MCHR2: variants seen among roughly 807,000 people sequenced by gnomAD.
The protein encoded by MCHR2 is melanin concentrating hormone receptor 2, also known as melanin-concentrating hormone receptor 2.
Under a neutral mutation model 24.8 loss-of-function variants are expected in MCHR2, and 15 were observed. The observed-to-expected ratio is 0.60, with a 90% CI of 0.40 to 0.93. The LOEUF is 0.93. Ranked by LOEUF, MCHR2 falls within the 40% of genes least tolerant of loss-of-function variation. MCHR2 has a pLI of 0.00. For missense variants in MCHR2, 386 were observed against 408.7 expected (o/e 0.94, Z 0.48); for synonymous variants, 151 against 147.6 (o/e 1.02, Z -0.17).
chr6:99,963,447 C>T (rs1260751919), intron 1 of MCHR2, among the ~76,000 whole-genome samples: 1 of 151,970 alleles, frequency 6.6e-6, no homozygotes, highest in African/African-American at 2.4e-5. Context: ...GCATGAAGTA[C>T]CTAAATTAAT....
intron 1 of MCHR2, among the ~76,000 whole-genome samples, chr6:99,963,259 A>G (rs1582396788): frequency 6.6e-6 from 1 of 152,128 alleles, no homozygotes; most frequent in Non-Finnish European, 1.5e-5. Flanking sequence ...GGTAGAAACC[A>G]TCTTAATGAA....
intron 1 of MCHR2, among the ~76,000 whole-genome samples, chr6:99,972,936 A>G (rs891790811): frequency 2.6e-5 from 4 of 152,080 alleles, no homozygotes; most frequent in Non-Finnish European, 5.9e-5. Context: ...ACAGTTTGTT[A>G]TAATTTCTGT....
Position 99,919,527 on chromosome 6 carries a change from A to T in MCHR2, c.*1413T>A, listed in dbSNP as rs543796718. On this transcript the variant is annotated 3_prime_UTR_variant, in exon 6 of 6. Transcript: ENST00000281806. ...GGTGGGTTTACAGACTTTATCCACA[A>T]GCAAAAATAACAATATTTGTCTTAG... is the stretch of plus-strand genomic sequence containing the variant. Among the ~76,000 whole-genome samples the T allele has an allele frequency of 2.6e-5, 4 of 152,324 alleles. No individual in the cohort carries two copies. The East Asian group carries it at 7.7e-4, about 29-fold the overall frequency.
chr6:99,942,649 C>A lies in MCHR2; in HGVS notation c.587+300G>T, dbSNP rs1301693048. ...TCTGAGTGACTCTGGAAATTCCTTA[C>A]CTCCCTTGATTGCTGCATTCCCACT... On this transcript the variant is annotated intron_variant, in intron 4 of 5. Transcript: ENST00000281806. Among the ~76,000 whole-genome samples, 6 of 152,140 alleles carry A rather than the reference C, an allele frequency of 3.9e-5. No individual in the cohort carries two copies. In the East Asian group the frequency reaches 1.2e-3, roughly 29 times the overall value.
At chr6:99,967,345 A>G (rs1441416013) in intron 1 of MCHR2, among the ~76,000 whole-genome samples, 2 of 152,164 alleles carry the variant, frequency 1.3e-5, no homozygotes, top group Non-Finnish European at 2.9e-5. Flanking sequence ...TAGGCTTTTT[A>G]AAGCAAAAAG....
chr6:99,920,791 A>T lies in MCHR2; in HGVS notation c.*149T>A. 1.3e-6 allele frequency: 1 copy of T among 747,002 alleles called. No individual in the cohort carries two copies. The highest frequency in any genetic ancestry group is 2.6e-5 in the East Asian group (1 of 39,104). The allele number at this position is 747,002 out of a possible 1,614,324, so 46.3% of individuals were successfully genotyped here. A position where few individuals can be genotyped will look rare whatever the true frequency, so the allele number is the denominator to read the frequency against. On this transcript the variant is annotated 3_prime_UTR_variant, in exon 6 of 6. Coordinates refer to ENST00000281806, the MANE Select transcript of MCHR2 (RefSeq NM_001040179.2). ...AAAGTTAGCATATTAAGCTCATTGT[A>T]TTTGCATGGTTACACTTCTCTTCCA...
In MCHR2 at chr6:99,921,253, C is replaced by T. The variant is rs754222486; in HGVS notation, c.710G>A (p.Cys237Tyr). 2 of 1,611,934 alleles carry T rather than the reference C, an allele frequency of 1.2e-6. No individual in the cohort carries two copies. The highest frequency in any genetic ancestry group is 2.2e-5 in the South Asian group (2 of 90,922). The change falls in exon 6 of 6, where the codon TGC becomes TAC. Residue 237 changes from cysteine to tyrosine, a missense_variant and splice_region_variant. Physicochemically the swap from Cys to Tyr is radical, Grantham distance 194. Transcript: ENST00000281806. ...MYQQNKDARCCNPSVPKQRVM... is the reference protein window; with the variant it reads ...MYQQNKDARCYNPSVPKQRVM... ...TCTCTGTTTTGGTACACTGGGATTG[C>T]AGCTGCAGAGGAAACATTCAGATAG...
chr6:99,988,669 A>G (rs1012637954), intron 1 of MCHR2, among the ~76,000 whole-genome samples: 2 of 146,348 alleles, frequency 1.4e-5, no homozygotes. Context: ...GAGATAATCA[A>G]TCAACAACAT....
chr6:99,928,489 C>A (rs1774423847), intron 5 of MCHR2, among the ~76,000 whole-genome samples: 1 of 152,160 alleles, frequency 6.6e-6, no homozygotes, highest in East Asian at 1.9e-4. Flanking sequence ...GGTTGGTAAG[C>A]TATTGATTAT....
intron 5 of MCHR2, among the ~76,000 whole-genome samples, chr6:99,927,972 T>C (rs7450546): frequency 3.3e-5 from 5 of 152,156 alleles, no homozygotes; most frequent in Admixed American, 2.0e-4. Flanking sequence ...TGGCTGTGGG[T>C]TTGTCATAGA....
intron 3 of MCHR2, among the ~76,000 whole-genome samples, chr6:99,945,962 G>T (rs1255923192): frequency 6.6e-6 from 1 of 151,434 alleles, no homozygotes; most frequent in African/African-American, 2.4e-5. Context: ...CTCTTCCAAG[G>T]CAGAAAATGC....
intron 5 of MCHR2, among the ~76,000 whole-genome samples, chr6:99,933,849 G>T (rs1774595817): frequency 6.6e-6 from 1 of 152,026 alleles, no homozygotes; most frequent in African/African-American, 2.4e-5. Flanking sequence ...AAATAATTTA[G>T]ATTTATTTAT....
chr6:99,964,535 A>C (rs1347933067), intron 1 of MCHR2, among the ~76,000 whole-genome samples: 3 of 152,110 alleles, frequency 2.0e-5, no homozygotes, highest in Non-Finnish European at 4.4e-5. Flanking sequence ...GGATGGAGTG[A>C]GCACAAGCAG....
At chr6:99,943,194 C>A in intron 3 of MCHR2, 51 bp from the exon 4 acceptor site, 1 of 1,472,254 alleles carries the variant, frequency 6.8e-7, no homozygotes, top group Non-Finnish European at 9.2e-7. Flanking sequence ...AAGCACTGAG[C>A]TCCAAGGATG....
At chr6:99,939,475 C>A (rs934983641) in intron 4 of MCHR2, among the ~76,000 whole-genome samples, 16 of 152,064 alleles carry the variant, frequency 1.1e-4, no homozygotes, top group African/African-American at 3.9e-4. Flanking sequence ...AACTCCATTC[C>A]CCTACATTTT....
chr6:99,948,358 C>T (rs1774911757), intron 2 of MCHR2, among the ~76,000 whole-genome samples: 1 of 152,022 alleles, frequency 6.6e-6, no homozygotes, highest in Non-Finnish European at 1.5e-5. Context: ...ATTGCTTTCC[C>T]TGGTGGTAGC....
chr6:99,924,863 T>C (rs1030452739), intron 5 of MCHR2, among the ~76,000 whole-genome samples: 24 of 152,126 alleles, frequency 1.6e-4, no homozygotes, highest in African/African-American at 5.8e-4. Context: ...AGGAAAATAA[T>C]GTATATTCTG....
At chr6:99,983,481 T>C (rs1274713262) in intron 1 of MCHR2, among the ~76,000 whole-genome samples, 1 of 152,220 alleles carries the variant, frequency 6.6e-6, no homozygotes, top group Non-Finnish European at 1.5e-5. Flanking sequence ...ACTGTGAACT[T>C]TCTGAAGCAA....
chr6:99,966,751 T>G (rs1775302744), intron 1 of MCHR2, among the ~76,000 whole-genome samples: 1 of 152,196 alleles, frequency 6.6e-6, no homozygotes, highest in South Asian at 2.1e-4. Flanking sequence ...ATTATGTTCA[T>G]AATTTTAATT....
Sources: allele counts gnomAD v4.1 joint callset (sites outside exome capture counted in the v4.1 genomes callset), GRCh38; gene constraint gnomAD v4.1.1; transcripts MANE v1.5; gene names NCBI Gene and HGNC (gene_info 2026-07-23, HGNC 2026-07-21).